The following FLI1 variants were observed in gnomAD, a reference collection of about 807,000 sequenced individuals.
FLI1 encodes the protein Fli-1 proto-oncogene, ETS transcription factor.
A neutral mutation model predicts 53.1 loss-of-function variants in FLI1; 13 were observed. The ratio of observed to expected loss-of-function variants is 0.24; its 90% CI spans 0.16 to 0.39. The LOEUF is 0.39. Among genes scored for constraint, FLI1 ranks in the 10% least tolerant of loss-of-function variants. The probability of loss-of-function intolerance (pLI) is 1.00; values close to 1 mark genes in which losing one functional copy is unlikely to be tolerated. For synonymous variants in FLI1, 244 were observed against 236.7 expected, an observed-to-expected ratio of 1.03 and a Z score of -0.28; for missense variants, 424 against 600.5, an observed-to-expected ratio of 0.71 and a Z score of 3.07.
Position 128,781,960 on chromosome 11 carries a change from T to C in FLI1, c.592T>C (p.Ser198Pro). 1 of 1,613,666 alleles carries C rather than the reference T, an allele frequency of 6.2e-7. No individual in the cohort carries two copies. Among genetic ancestry groups the C allele is most frequent in the Non-Finnish European group, 8.5e-7 (1 of 1,179,554 alleles). ...LSHLSYLRES[S>P]LLAYNTTSHT... ...CCTGTTTATGTTTTGCCTCTCAGGT[T>C]CACTGCTGGCCTATAATACAACCTC... Residue 198 changes from serine (S) to proline (P), a missense_variant and splice_region_variant, in exon 5 of 9, where the codon TCA becomes CCA. Coordinates refer to ENST00000527786, the MANE Select transcript of FLI1 (RefSeq NM_002017.5).
chr11:128,748,318 A>AG, intron 1 of FLI1: 2 of 939,688 alleles, frequency 2.1e-6, no homozygotes, highest in Non-Finnish European at 2.5e-6. Context: ...GGCACTTGGG[A>AG]GGGGGAATGA....
At chr11:128,692,958 G>C (rs1937816501), upstream of FLI1, 3 of 152,330 alleles carry the variant, frequency 2.0e-5, no homozygotes, top group Admixed American at 2.0e-4. Flanking sequence ...TAGGGAGGAC[G>C]GTCCAGAGCG....
In FLI1 at chr11:128,811,816, C is replaced by G. The variant is rs190134547; in HGVS notation, c.*828C>G. 1 of 201,264 alleles carries G rather than the reference C, an allele frequency of 5.0e-6. No individual in the cohort carries two copies. Among genetic ancestry groups the G allele is most frequent in the Non-Finnish European group, 1.0e-5 (1 of 97,660 alleles). 12.5% of individuals were successfully genotyped at this position (201,264 alleles called of 1,614,324 possible). On this transcript the variant is annotated 3_prime_UTR_variant, in exon 9 of 9. Transcript: ENST00000527786. Reference sequence around the variant, plus strand: ...GACCATCAGACCAGGGCCAACCAATCAGAAGGCAACTTACTGTATAAATTA... The same window carrying G: ...GACCATCAGACCAGGGCCAACCAATGAGAAGGCAACTTACTGTATAAATTA...
intron 1 of FLI1, among the ~76,000 whole-genome samples, chr11:128,741,481 A>T (rs1214776211): frequency 1.3e-5 from 2 of 152,250 alleles, no homozygotes; most frequent in African/African-American, 2.4e-5. Context: ...GTCCGGATGC[A>T]GGGGCAACTT....
chr11:128,781,900 C>T (rs1402638320), intron 4 of FLI1, 58 bp from the exon 5 acceptor site: 11 of 1,358,044 alleles, frequency 8.1e-6, no homozygotes, highest in Non-Finnish European at 1.2e-5. Flanking sequence ...ATGTCATCTC[C>T]TACTCTTGAT....
At chr11:128,801,885 G>A (rs114537343) in intron 5 of FLI1, among the ~76,000 whole-genome samples, 1,559 of 152,294 alleles carry the variant, frequency 0.01, 29 homozygotes, top group African/African-American at 0.035. Flanking sequence ...GAGGGAGGGG[G>A]ATATGAACCA....
At chr11:128,767,995 C>A in intron 2 of FLI1, 123 bp from the exon 3 acceptor site, 1 of 791,634 alleles carries the variant, frequency 1.3e-6, no homozygotes, top group Non-Finnish European at 2.0e-6. Context: ...CATCATGACA[C>A]CAAGTGTGGC....
chr11:128,687,243 T>G (rs934222115), intron 1 of FLI1, among the ~76,000 whole-genome samples: 1 of 152,010 alleles, frequency 6.6e-6, no homozygotes, highest in Non-Finnish European at 1.5e-5. Context: ...GATTGCTATA[T>G]TTGACAGCAC....
intron 1 of FLI1, among the ~76,000 whole-genome samples, chr11:128,715,752 G>A (rs1016911340): frequency 4.6e-5 from 7 of 152,082 alleles, no homozygotes; most frequent in African/African-American, 1.7e-4. Context: ...TCAAGGCAGA[G>A]GAAAAAAAAT....
chr11:128,802,416 G>T (rs1042569244), intron 5 of FLI1, among the ~76,000 whole-genome samples: 4 of 152,218 alleles, frequency 2.6e-5, no homozygotes, highest in African/African-American at 9.6e-5. Context: ...GAATAAAAAA[G>T]AAATGAGAGG....
At chr11:128,803,356 C>T (rs1193353446) in intron 5 of FLI1, among the ~76,000 whole-genome samples, 1 of 152,162 alleles carries the variant, frequency 6.6e-6, no homozygotes, top group Non-Finnish European at 1.5e-5. Context: ...ATCAGCAAGA[C>T]CTTGAACATG....
At chr11:128,779,487 G>A (rs879819801) in intron 4 of FLI1, among the ~76,000 whole-genome samples, 15 of 152,294 alleles carry the variant, frequency 9.8e-5, no homozygotes, top group Admixed American at 3.3e-4. Context: ...TTCAGTAAAC[G>A]CATGTATAAA....
intron 1 of FLI1, among the ~76,000 whole-genome samples, chr11:128,706,166 T>C (rs1429060260): frequency 2.0e-5 from 3 of 152,360 alleles, no homozygotes; most frequent in Admixed American, 2.0e-4. Flanking sequence ...CCCTCTTGTC[T>C]AGAGATTTCA....
chr11:128,780,124 C>T (rs953335608), intron 4 of FLI1, among the ~76,000 whole-genome samples: 3 of 152,180 alleles, frequency 2.0e-5, no homozygotes, highest in African/African-American at 7.2e-5. Flanking sequence ...TATTCTTGAA[C>T]ATGGAATAAC....
chr11:128,778,235 CAGAG>C lies in FLI1; in HGVS notation c.590-3719_590-3716del, dbSNP rs533828797. The stretch of plus-strand genomic sequence containing the variant: ...CTTCAGTTTGAACTGAAGTACAACA[CAGAG>C]AGAAGTGCAAAAATCATGAAGTGCG... On this transcript the variant is annotated intron_variant, in intron 4 of 8. Coordinates refer to ENST00000527786, the MANE Select transcript of FLI1 (RefSeq NM_002017.5). Among the ~76,000 whole-genome samples the C allele has an allele frequency of 4.0e-4, 61 of 152,248 alleles. No individual in the cohort carries two copies. In the South Asian group the frequency reaches 0.012, roughly 30 times the overall value.
Position 128,812,795 on chromosome 11 carries a change from G to A in FLI1, c.*1807G>A, listed in dbSNP as rs765276527. The A allele has an allele frequency of 3.8e-5, 8 of 212,948 alleles. No individual in the cohort carries two copies. Among genetic ancestry groups the A allele is most frequent in the Non-Finnish European group, 4.8e-5 (5 of 105,070 alleles). 13.2% of individuals were successfully genotyped at this position (212,948 alleles called of 1,614,324 possible). A position where few individuals can be genotyped will look rare whatever the true frequency, so the allele number is the denominator to read the frequency against. ...TCTGCCACTCCAGCAAAGAATAAGC[G>A]CCCTGCTTCCTTCAGGTCTCAGACC... On this transcript the variant is annotated 3_prime_UTR_variant, in exon 9 of 9. Transcript: ENST00000527786.
At chr11:128,784,222 TC>T (rs1367722646) in intron 5 of FLI1, among the ~76,000 whole-genome samples, 1 of 20,230 alleles carries the variant, frequency 4.9e-5, no homozygotes, top group East Asian at 1.7e-3. Context: ...GCTAACCATC[TC>T]CTCCTCCTCC....
chr11:128,686,606 C>T (rs978685708), exon 1 of FLI1: 9 of 393,358 alleles, frequency 2.3e-5, no homozygotes, highest in Admixed American at 2.9e-5. Flanking sequence ...CGCGGGTAAC[C>T]GAGGCTTCTC....
intron 5 of FLI1, among the ~76,000 whole-genome samples, chr11:128,801,342 G>C (rs1005203415): frequency 7.2e-5 from 11 of 152,172 alleles, no homozygotes; most frequent in African/African-American, 2.7e-4. Flanking sequence ...CTGCATTCAG[G>C]TTATAGACAT....
Sources: allele counts gnomAD v4.1 joint callset (sites outside exome capture counted in the v4.1 genomes callset), GRCh38; gene constraint gnomAD v4.1.1; transcripts MANE v1.5; gene names NCBI Gene and HGNC (gene_info 2026-07-23, HGNC 2026-07-21).